Variants in GNA12 observed in about 807,000 individuals in gnomAD.
GNA12 encodes the protein guanine nucleotide-binding protein subunit alpha-12.
A neutral mutation model predicts 26.0 loss-of-function variants in GNA12; 9 were observed. The observed-to-expected ratio is 0.35, with a 90% CI of 0.21 to 0.60. The LOEUF (loss-of-function observed/expected upper bound fraction) is 0.60, where lower values mean the gene tolerates loss of function less well. GNA12 is among the 20% of genes least tolerant of loss of function. The probability of loss-of-function intolerance (pLI) is 0.78; values close to 1 mark genes in which losing one functional copy is unlikely to be tolerated. For synonymous variants in GNA12, 264 were observed against 219.6 expected (o/e 1.20, Z -1.79); for missense variants, 405 against 525.8 (o/e 0.77, Z 2.25).
intron 1 of GNA12, among the ~76,000 whole-genome samples, chr7:2,808,258 C>T (rs1792996726): frequency 6.6e-6 from 1 of 152,268 alleles, no homozygotes; most frequent in African/African-American, 2.4e-5. Flanking sequence ...TGCTACCCGA[C>T]ACCCACCTAG....
At chr7:2,745,986 T>C (rs552134896) in intron 2 of GNA12, among the ~76,000 whole-genome samples, 6 of 152,242 alleles carry the variant, frequency 3.9e-5, no homozygotes, top group African/African-American at 9.6e-5. Flanking sequence ...TAAATATATA[T>C]GCAAACAATA....
At chr7:2,805,409 C>CT (rs200074043) in intron 1 of GNA12, among the ~76,000 whole-genome samples, 9 of 151,742 alleles carry the variant, frequency 5.9e-5, no homozygotes, top group African/African-American at 9.7e-5. Flanking sequence ...TAGAGATTTT[C>CT]TTTTTTTTTG....
intron 1 of GNA12, among the ~76,000 whole-genome samples, chr7:2,840,171 T>C (rs74791993): frequency 0.048 from 7,359 of 152,210 alleles, 635 homozygotes; most frequent in African/African-American, 0.17. Context: ...CAGAACATAA[T>C]CACTGAGGGA....
chr7:2,747,887 C>T (rs1051540462), intron 2 of GNA12, among the ~76,000 whole-genome samples: 1 of 152,072 alleles, frequency 6.6e-6, no homozygotes, highest in African/African-American at 2.4e-5. Flanking sequence ...ACAGCCAAAT[C>T]ATGAGTGAAC....
Position 2,733,434 on chromosome 7 carries a change from C to A in GNA12, c.576+17G>T, listed in dbSNP as rs201231355. On this transcript the variant is annotated intron_variant, in intron 3 of 3. Transcript: ENST00000275364. ...AACCCTGGAGCCCAGCTTCTTCGGG[C>A]GGGCGTGCTTACTCACCAGCTGGCC... 6.2e-7 allele frequency: 1 copy of A among 1,610,748 alleles called. No individual in the cohort carries two copies. The highest frequency in any genetic ancestry group is 2.2e-5 in the East Asian group (1 of 44,816).
chr7:2,768,116 A>G (rs1021968257), intron 2 of GNA12, among the ~76,000 whole-genome samples: 4 of 152,144 alleles, frequency 2.6e-5, no homozygotes, highest in Non-Finnish European at 5.9e-5. Context: ...TGGCCTCCCA[A>G]AGTGTTGGGA....
intron 2 of GNA12, among the ~76,000 whole-genome samples, chr7:2,778,191 G>A (rs147133641): frequency 2.0e-5 from 3 of 152,160 alleles, no homozygotes; most frequent in East Asian, 1.9e-4. Context: ...AGCATATTTC[G>A]CCACAATTTT....
At chr7:2,805,318 T>A (rs776155968) in intron 1 of GNA12, among the ~76,000 whole-genome samples, 1 of 152,246 alleles carries the variant, frequency 6.6e-6, no homozygotes, top group Non-Finnish European at 1.5e-5. Context: ...CTGCGAGGAA[T>A]AGCATTATGC....
At chr7:2,811,823 A>C (rs4719683) in intron 1 of GNA12, among the ~76,000 whole-genome samples, 26,670 of 152,250 alleles carry the variant, frequency 0.18, 2,394 homozygotes, top group Non-Finnish European at 0.2. Flanking sequence ...CTGACAGCTG[A>C]AAAGACAGTC....
At chr7:2,736,574 C>T (rs962826090) in intron 2 of GNA12, among the ~76,000 whole-genome samples, 7 of 152,152 alleles carry the variant, frequency 4.6e-5, no homozygotes, top group Admixed American at 1.3e-4. Context: ...TGATATGGGG[C>T]CTGTGCACCT....
At chr7:2,834,875 T>C (rs1264435558) in intron 1 of GNA12, among the ~76,000 whole-genome samples, 2 of 152,078 alleles carry the variant, frequency 1.3e-5, no homozygotes, top group Admixed American at 1.3e-4. Flanking sequence ...GTAGGTCCAC[T>C]CTAGGATGTT....
intron 1 of GNA12, among the ~76,000 whole-genome samples, chr7:2,841,882 T>A (rs1243139580): frequency 1.3e-5 from 2 of 152,124 alleles, no homozygotes; most frequent in African/African-American, 4.8e-5. Context: ...AGGCAGGTTT[T>A]CTGGCATGGC....
chr7:2,734,897 T>C (rs546153543), intron 2 of GNA12, among the ~76,000 whole-genome samples: 43 of 151,976 alleles, frequency 2.8e-4, no homozygotes, highest in African/African-American at 1.0e-3. Context: ...GCATCGGGAG[T>C]GCCAGGGTGA....
At chr7:2,814,312 C>A (rs1477449261) in intron 1 of GNA12, 3 of 1,544,112 alleles carry the variant, frequency 1.9e-6, no homozygotes, top group Non-Finnish European at 2.7e-6. Context: ...TGAGACTCAC[C>A]CTGGACCCAG....
At chr7:2,768,797 G>A (rs1275785328) in intron 2 of GNA12, among the ~76,000 whole-genome samples, 5 of 151,848 alleles carry the variant, frequency 3.3e-5, no homozygotes, top group Admixed American at 6.5e-5. Flanking sequence ...CTTTGTTTCT[G>A]TATTTAATAT....
At chr7:2,746,299 A>G (rs1465427839) in intron 2 of GNA12, among the ~76,000 whole-genome samples, 1 of 152,272 alleles carries the variant, frequency 6.6e-6, no homozygotes, top group Non-Finnish European at 1.5e-5. Flanking sequence ...CAAATGTAAA[A>G]GAACAGAAAT....
At chr7:2,748,176 A>C (rs1790859316) in intron 2 of GNA12, among the ~76,000 whole-genome samples, 1 of 150,970 alleles carries the variant, frequency 6.6e-6, no homozygotes, top group South Asian at 2.1e-4. Context: ...GTTCATATGG[A>C]ACCAAAAAAG....
intron 1 of GNA12, among the ~76,000 whole-genome samples, chr7:2,804,547 A>G: frequency 6.6e-6 from 1 of 152,234 alleles, no homozygotes; most frequent in Non-Finnish European, 1.5e-5. Context: ...TCAAAAGTCC[A>G]AACAGTAACA....
intron 1 of GNA12, among the ~76,000 whole-genome samples, chr7:2,830,574 C>T (rs1399280820): frequency 1.3e-5 from 2 of 152,112 alleles, no homozygotes; most frequent in African/African-American, 2.4e-5. Flanking sequence ...CCCCAAAATC[C>T]ACCAGTCAAG....
Sources: gnomAD v4.1 joint callset for allele counts (sites outside exome capture counted in the v4.1 genomes callset) on GRCh38, gnomAD v4.1.1 for gene constraint, MANE v1.5 for transcripts, NCBI Gene and HGNC (gene_info 2026-07-23, HGNC 2026-07-21) for gene names.